ORC1: variants seen among roughly 807,000 people sequenced by gnomAD.
The protein encoded by ORC1 is origin recognition complex, subunit 1 homolog.
In ORC1, 61 loss-of-function variants were observed where a neutral mutation model predicts 98.9. The ratio of observed to expected loss-of-function variants is 0.62; its 90% CI spans 0.50 to 0.76. ORC1 has a LOEUF of 0.76. Among genes scored for constraint, ORC1 ranks in the 30% least tolerant of loss-of-function variants. The pLI is 0.00. For synonymous variants in ORC1, 385 were observed against 406.9 expected (o/e 0.95, Z 0.65); for missense variants, 979 against 1,072.2 (o/e 0.91, Z 1.21).
rs1557574510 is a variant in ORC1, at chr1:52,384,573, G to A, written c.1732C>T (p.Gln578Ter). The A allele has an allele frequency of 6.2e-7, 1 of 1,614,140 alleles. No individual in the cohort carries two copies. The highest frequency in any genetic ancestry group is 8.5e-7 in the Non-Finnish European group (1 of 1,179,990). ...VNGMKLTEPH[Q>*]VYVQILQKLT... ...ACCTGCAAGATTTGCACATAGACTT[G>A]GTGGGGCTCCGTCAGCTTCATGCCA... Residue 578 changes from glutamine (Q) to a stop codon, truncating the protein, a stop_gained, in exon 11 of 17, where the codon CAA becomes TAA. Transcript: ENST00000371568. LOFTEE classifies it high-confidence loss of function.
intron 4 of ORC1, among the ~76,000 whole-genome samples, 177 bp from the exon 5 acceptor site, chr1:52,396,541 T>A (rs577994262): frequency 2.0e-5 from 3 of 152,202 alleles, no homozygotes; most frequent in African/African-American, 4.8e-5. Flanking sequence ...CACATAATAA[T>A]GAATATTTAC....
intron 6 of ORC1, among the ~76,000 whole-genome samples, 177 bp downstream of exon 6, chr1:52,393,266 G>C (rs960260757): frequency 1.3e-5 from 2 of 152,182 alleles, no homozygotes; most frequent in Admixed American, 1.3e-4. Flanking sequence ...GCCAGTGCTT[G>C]GAGTCTGACT....
intron 8 of ORC1, among the ~76,000 whole-genome samples, chr1:52,386,934 G>C (rs529312922): frequency 4.6e-5 from 7 of 152,154 alleles, no homozygotes; most frequent in Non-Finnish European, 1.0e-4. Context: ...CTGGGCAAGA[G>C]ACAGAGCAAG....
At chr1:52,392,104 T>C (rs1647223570) in intron 6 of ORC1, among the ~76,000 whole-genome samples, 2 of 151,860 alleles carry the variant, frequency 1.3e-5, no homozygotes, top group African/African-American at 2.4e-5. Flanking sequence ...AAATAATAGA[T>C]GTTGGTGTGG....
At chr1:52,395,403 C>T (rs2147939915) in intron 5 of ORC1, among the ~76,000 whole-genome samples, 1 of 152,068 alleles carries the variant, frequency 6.6e-6, no homozygotes, top group Non-Finnish European at 1.5e-5. Context: ...GGTTGGAGGA[C>T]AAGGAAAGGA....
chr1:52,400,055 A>G (rs1371832511), intron 3 of ORC1, among the ~76,000 whole-genome samples: 1 of 152,176 alleles, frequency 6.6e-6, no homozygotes, highest in Non-Finnish European at 1.5e-5. Context: ...GGATTCTAGA[A>G]TCTATACACC....
In ORC1 at chr1:52,396,123, C is replaced by T; in HGVS notation, c.644G>A (p.Arg215Lys). 1.9e-6 allele frequency: 3 copies of T among 1,614,154 alleles called. No homozygotes were observed. The highest frequency in any genetic ancestry group is 2.2e-5 in the South Asian group (2 of 91,082). ...AEHVAKRIES[R>K]HSASKSRQTP... ...TTGGCGAGATTTGGAGGCGGAGTGC[C>T]TTGATTCAATCCTTTTGGCCACATG... The change falls in exon 5 of 17, where the codon AGG (arginine) becomes AAG (lysine). Residue 215 changes from arginine (R) to lysine (K), a missense_variant. Coordinates refer to ENST00000371568, the MANE Select transcript of ORC1 (RefSeq NM_004153.4).
intron 14 of ORC1, among the ~76,000 whole-genome samples, chr1:52,379,729 T>C (rs1209997732): frequency 6.6e-6 from 1 of 151,604 alleles, no homozygotes; most frequent in Non-Finnish European, 1.5e-5. Context: ...GGTCAAGAGA[T>C]TGAGACCAGC....
intron 6 of ORC1, among the ~76,000 whole-genome samples, chr1:52,391,302 G>A (rs1647207547): frequency 7.7e-6 from 1 of 129,286 alleles, no homozygotes; most frequent in Admixed American, 8.5e-5. Context: ...GACAGAGTGA[G>A]ACTCCATCTC....
At chr1:52,398,166 G>A (rs546596357) in intron 3 of ORC1, among the ~76,000 whole-genome samples, 13 of 152,206 alleles carry the variant, frequency 8.5e-5, no homozygotes, top group African/African-American at 2.6e-4. Context: ...GTCTCACCAC[G>A]TTGGCCAGGC....
chr1:52,393,922 A>G, intron 5 of ORC1, 119 bp from the exon 6 acceptor site: 1 of 1,152,260 alleles, frequency 8.7e-7, no homozygotes, highest in Non-Finnish European at 1.2e-6. Flanking sequence ...CTATATTTTT[A>G]ATCATTCCAG....
At chr1:52,386,643 G>C (rs12082947) in intron 8 of ORC1, among the ~76,000 whole-genome samples, 1 of 152,086 alleles carries the variant, frequency 6.6e-6, no homozygotes, top group Non-Finnish European at 1.5e-5. Flanking sequence ...ATTTCCTCCC[G>C]AGGCAGAAAG....
chr1:52,400,728 T>C (rs896155652), intron 3 of ORC1, among the ~76,000 whole-genome samples: 14 of 152,216 alleles, frequency 9.2e-5, no homozygotes, highest in Non-Finnish European at 1.8e-4. Context: ...GCAAATCAGC[T>C]AAGGCTTTCG....
chr1:52,378,353 A>C (rs567624763), intron 14 of ORC1, among the ~76,000 whole-genome samples: 10 of 149,884 alleles, frequency 6.7e-5, no homozygotes, highest in Middle Eastern at 3.5e-3. Context: ...TCAAAAAAAA[A>C]AAACAAACAA....
intron 14 of ORC1, among the ~76,000 whole-genome samples, chr1:52,378,772 G>A (rs1182540707): frequency 2.0e-5 from 3 of 151,870 alleles, no homozygotes; most frequent in Non-Finnish European, 2.9e-5. Context: ...GGTGGCTCAC[G>A]CCTGTAATCC....
chr1:52,392,743 T>C (rs1647248193), intron 6 of ORC1, among the ~76,000 whole-genome samples: 1 of 152,112 alleles, frequency 6.6e-6, no homozygotes, highest in African/African-American at 2.4e-5. Flanking sequence ...AACAATGAAA[T>C]AATGGCACTT....
chr1:52,384,609 T>A lies in ORC1; in HGVS notation c.1696A>T (p.Ile566Phe). Residue 566 changes from isoleucine (I) to phenylalanine (F), a missense_variant, in exon 11 of 17, where the codon ATT becomes TTT. Physicochemically the swap from Ile to Phe is conservative, Grantham distance 21. Transcript: ENST00000371568. ...GTCAGCTTCATGCCATTGACCTCAA[T>A]GTATTGAAAGGGAGGAACATCATTG... ...QANDVPPFQY[I>F]EVNGMKLTEP... 2 of 1,614,046 alleles carry A rather than the reference T, an allele frequency of 1.2e-6. No individual in the cohort carries two copies. Among genetic ancestry groups the A allele is most frequent in the Non-Finnish European group, 1.7e-6 (2 of 1,179,972 alleles).
At chr1:52,376,037 T>C (rs1646991540) in intron 14 of ORC1, among the ~76,000 whole-genome samples, 1 of 152,140 alleles carries the variant, frequency 6.6e-6, no homozygotes, top group African/African-American at 2.4e-5. Flanking sequence ...GTGGTGAATT[T>C]GGGGTCGGCT....
At chr1:52,408,987 CAG>C (rs1648075140), upstream of ORC1, 1 of 237,174 alleles carries the variant, frequency 4.2e-6, no homozygotes, top group Non-Finnish European at 8.3e-6. Context: ...GATCTAGCTG[CAG>C]AATGGCTTCT....
Sources: allele counts gnomAD v4.1 joint callset (sites outside exome capture counted in the v4.1 genomes callset), GRCh38; gene constraint gnomAD v4.1.1; transcripts MANE v1.5; gene names NCBI Gene and HGNC (gene_info 2026-07-23, HGNC 2026-07-21).